Variants in BNC2 observed in about 807,000 individuals in gnomAD.
BNC2 encodes the protein zinc finger protein basonuclin-2.
BNC2 carries 20 observed loss-of-function variants against 76.3 expected under a neutral mutation model. The observed-to-expected ratio is 0.26, with a 90% CI of 0.18 to 0.38. BNC2 has a LOEUF of 0.38. Among genes scored for constraint, BNC2 ranks in the 10% least tolerant of loss-of-function variants. The pLI is 1.00. For synonymous variants in BNC2, 582 were observed against 514.8 expected, an observed-to-expected ratio of 1.13 and a Z score of -1.77; for missense variants, 1,382 against 1,399.8, an observed-to-expected ratio of 0.99 and a Z score of 0.20.
At chr9:16,738,996 T>C (rs571120772) in intron 1 of BNC2, among the ~76,000 whole-genome samples, 1 of 150,596 alleles carries the variant, frequency 6.6e-6, no homozygotes, top group African/African-American at 2.4e-5. Context: ...CAGAATTCCA[T>C]ACAACTTAGA....
chr9:16,756,475 T>C (rs541778395), intron 1 of BNC2, among the ~76,000 whole-genome samples: 41 of 152,150 alleles, frequency 2.7e-4, no homozygotes, highest in Non-Finnish European at 3.8e-4. Flanking sequence ...CTTCTTGGAG[T>C]CACCTTTTTC....
At chr9:16,686,325 C>G (rs4961732) in intron 3 of BNC2, among the ~76,000 whole-genome samples, 90,958 of 151,530 alleles carry the variant, frequency 0.6, 31,032 homozygotes, top group Non-Finnish European at 0.79. Flanking sequence ...CTTTTTAAAA[C>G]TAAGCTATTA....
chr9:16,836,180 C>T (rs1818701944), intron 1 of BNC2, among the ~76,000 whole-genome samples: 1 of 152,164 alleles, frequency 6.6e-6, no homozygotes, highest in Non-Finnish European at 1.5e-5. Context: ...TTTGGGAAGA[C>T]CAACGGCATG....
intron 5 of BNC2, among the ~76,000 whole-genome samples, chr9:16,522,116 A>T (rs1817638674): frequency 6.6e-6 from 1 of 152,214 alleles, no homozygotes; most frequent in Non-Finnish European, 1.5e-5. Context: ...TCCATTGTGC[A>T]GGCCCCACTA....
At position 16,586,804 on chromosome 9, in the gene BNC2, T is replaced by C. The variant is rs944870949; in HGVS notation, c.331-3719A>G. ...TCCCTGTGATCAAGGACTTGATAGT[T>C]TGGGGTTTGGGGGCAGTGAGTTTAG... is the stretch of plus-strand genomic sequence containing the variant. On this transcript the variant is annotated intron_variant, in intron 3 of 6. Transcript: ENST00000380672. Among the ~76,000 whole-genome samples the C allele has an allele frequency of 3.3e-5, 5 of 152,154 alleles. No homozygotes were observed. In the South Asian group the frequency reaches 1.0e-3, roughly 32 times the overall value.
In BNC2 at chr9:16,529,284, G is replaced by A. The variant is rs79250003; in HGVS notation, c.669+23246C>T. ...AGTGGAAGTGGGTAGATATTTTTTG[G>A]TCAACCACAAGATATATTTTTTAAA... On this transcript the variant is annotated intron_variant, in intron 5 of 6. Transcript: ENST00000380672. Among the ~76,000 whole-genome samples the A allele has an allele frequency of 8.5e-5, 13 of 152,134 alleles. No homozygotes were observed. The East Asian group carries it at 2.3e-3, about 27-fold the overall frequency.
chr9:16,640,944 G>A (rs999302400), intron 3 of BNC2, among the ~76,000 whole-genome samples: 3 of 152,108 alleles, frequency 2.0e-5, no homozygotes, highest in African/African-American at 7.2e-5. Context: ...GAAGCAGTAC[G>A]TTCACAGCTC....
intron 3 of BNC2, among the ~76,000 whole-genome samples, chr9:16,613,004 A>G (rs181036469): frequency 1.4e-4 from 22 of 152,306 alleles, no homozygotes; most frequent in Admixed American, 1.3e-3. Context: ...ATGGACAAGT[A>G]CTGCCAATGG....
intron 5 of BNC2, among the ~76,000 whole-genome samples, chr9:16,467,337 TACCCAAAGGACTATAA>T (rs2131319288): frequency 6.8e-6 from 1 of 147,870 alleles, no homozygotes; most frequent in African/African-American, 2.6e-5. Flanking sequence ...ACTGGGTATA[TACCCAAAGGACTATAA>T]ATCATGCTGC....
chr9:16,730,677 G>C (rs1824479337), intron 2 of BNC2, among the ~76,000 whole-genome samples: 1 of 152,104 alleles, frequency 6.6e-6, no homozygotes, highest in African/African-American at 2.4e-5. Flanking sequence ...AGCTCCTTCA[G>C]ATATCATGGA....
intron 5 of BNC2, among the ~76,000 whole-genome samples, chr9:16,494,723 G>A (rs1010885803): frequency 5.3e-5 from 8 of 152,110 alleles, no homozygotes; most frequent in Non-Finnish European, 7.3e-5. Flanking sequence ...GGCCTGGCAC[G>A]TCCTGTAGGG....
At chr9:16,825,540 T>C (rs1308149082) in intron 1 of BNC2, among the ~76,000 whole-genome samples, 1 of 152,084 alleles carries the variant, frequency 6.6e-6, no homozygotes, top group Non-Finnish European at 1.5e-5. Flanking sequence ...CTAAACTGCT[T>C]GCTGGCATGT....
chr9:16,657,544 G>C (rs574090926), intron 3 of BNC2, among the ~76,000 whole-genome samples: 1 of 152,182 alleles, frequency 6.6e-6, no homozygotes, highest in Non-Finnish European at 1.5e-5. Flanking sequence ...TAAAGGCTGA[G>C]TTCTGAATGG....
intron 3 of BNC2, among the ~76,000 whole-genome samples, chr9:16,675,558 T>G (rs1376933103): frequency 2.6e-5 from 4 of 152,212 alleles, no homozygotes; most frequent in African/African-American, 9.7e-5. Flanking sequence ...CCACTGTGCC[T>G]GGCCTAATTT....
chr9:16,852,059 C>T (rs1301932359), intron 1 of BNC2, among the ~76,000 whole-genome samples: 1 of 152,148 alleles, frequency 6.6e-6, no homozygotes, highest in Non-Finnish European at 1.5e-5. Flanking sequence ...ACACTCTCAC[C>T]CGCAGTCACA....
intron 3 of BNC2, among the ~76,000 whole-genome samples, chr9:16,584,353 T>G (rs1819711141): frequency 6.6e-6 from 1 of 152,192 alleles, no homozygotes; most frequent in Non-Finnish European, 1.5e-5. Context: ...TTAACATGAC[T>G]GGGACAAATT....
chr9:16,584,968 T>TA (rs569362509), intron 3 of BNC2, among the ~76,000 whole-genome samples: 5 of 151,822 alleles, frequency 3.3e-5, no homozygotes, highest in Admixed American at 6.6e-5. Context: ...ATAAATGCTT[T>TA]AAAAAAAATA....
rs543305164 is a variant in BNC2, at chr9:16,738,311, T to C, written c.129+49A>G. On this transcript the variant is annotated intron_variant, in intron 2 of 6. Coordinates refer to ENST00000380672, the MANE Select transcript of BNC2 (RefSeq NM_017637.6). ...ATATCTTAACTAGGTAATCAAAGAA[T>C]GCAAGTGTGTCCAAGTAACTTAAAG... The C allele has an allele frequency of 6.9e-5, 110 of 1,586,880 alleles. No individual in the cohort carries two copies. In the South Asian group the frequency reaches 1.2e-3, roughly 17 times the overall value.
intron 1 of BNC2, among the ~76,000 whole-genome samples, chr9:16,774,384 A>T (rs1279050904): frequency 6.6e-6 from 1 of 152,234 alleles, no homozygotes; most frequent in Non-Finnish European, 1.5e-5. Flanking sequence ...AACCAAATGC[A>T]TCCAATGACA....
Sources: gnomAD v4.1 joint callset for allele counts (sites outside exome capture counted in the v4.1 genomes callset) on GRCh38, gnomAD v4.1.1 for gene constraint, MANE v1.5 for transcripts, NCBI Gene and HGNC (gene_info 2026-07-23, HGNC 2026-07-21) for gene names.